RORA: variants seen among roughly 807,000 people sequenced by gnomAD.
RORA encodes RAR related orphan receptor A.
Under a neutral mutation model 69.5 loss-of-function variants are expected in RORA, and 7 were observed. The observed-to-expected ratio is 0.10, with a 90% CI of 0.06 to 0.19. The LOEUF (loss-of-function observed/expected upper bound fraction) is 0.19, where lower values mean the gene tolerates loss of function less well. Among genes scored for constraint, RORA ranks in the 10% least tolerant of loss-of-function variants. The probability of loss-of-function intolerance (pLI) is 1.00; values close to 1 mark genes in which losing one functional copy is unlikely to be tolerated. For synonymous variants in RORA, 261 were observed against 240.8 expected (o/e 1.08, Z -0.78); for missense variants, 457 against 663.0 (o/e 0.69, Z 3.41).
chr15:61,142,572 C>T (rs1394837529), intron 1 of RORA, among the ~76,000 whole-genome samples: 1 of 152,044 alleles, frequency 6.6e-6, no homozygotes, highest in African/African-American at 2.4e-5. Flanking sequence ...AAAGTCAGAT[C>T]ACTCTAATTT....
At chr15:60,758,105 T>C (rs2071828763) in intron 1 of RORA, among the ~76,000 whole-genome samples, 1 of 152,198 alleles carries the variant, frequency 6.6e-6, no homozygotes, top group South Asian at 2.1e-4. Context: ...CCCAAATCTA[T>C]GTTTGCAGCA....
intron 1 of RORA, among the ~76,000 whole-genome samples, chr15:60,894,771 C>A (rs1331963821): frequency 6.6e-6 from 1 of 152,138 alleles, no homozygotes; most frequent in Non-Finnish European, 1.5e-5. Context: ...GCTTTGGGAA[C>A]CTCTGGGCTG....
chr15:60,975,394 C>CCT (rs2140355325), intron 1 of RORA, among the ~76,000 whole-genome samples: 1 of 152,278 alleles, frequency 6.6e-6, no homozygotes, highest in East Asian at 1.9e-4. Context: ...CAGGCTGAGT[C>CCT]CTGTCACTGT....
intron 2 of RORA, chr15:60,592,882 G>T (rs1320881730): frequency 2.2e-6 from 1 of 458,880 alleles, no homozygotes; most frequent in Non-Finnish European, 4.3e-6. Context: ...CCCCCACTCG[G>T]TGGGGCAAGA....
chr15:60,505,737 G>A lies in RORA; in HGVS notation c.821-108C>T, dbSNP rs1203744214. 1.3e-5 allele frequency: 17 copies of A among 1,273,286 alleles called. No homozygotes were observed. In the East Asian group the frequency reaches 2.6e-4, roughly 20 times the overall value. The allele number at this position is 1,273,286 out of a possible 1,614,324, so 78.9% of individuals were successfully genotyped here. ...ACAAGTAGAAAACAATGTGCTGTGC[G>A]AGTTTTGACTGTCTTTACACATTTA... On this transcript the variant is annotated intron_variant, in intron 5 of 10. Transcript: ENST00000335670.
chr15:60,969,384 G>A (rs1450890457), intron 1 of RORA, among the ~76,000 whole-genome samples: 1 of 151,966 alleles, frequency 6.6e-6, no homozygotes, highest in African/African-American at 2.4e-5. Context: ...GACCAGTGTG[G>A]GCCCTTCAAT....
At chr15:61,211,597 G>A (rs2140937440) in intron 1 of RORA, among the ~76,000 whole-genome samples, 1 of 152,282 alleles carries the variant, frequency 6.6e-6, no homozygotes, top group African/African-American at 2.4e-5. Flanking sequence ...TAATTCATAT[G>A]ACACATTAGT....
chr15:60,840,231 T>C (rs952831746), intron 1 of RORA, among the ~76,000 whole-genome samples: 1 of 152,242 alleles, frequency 6.6e-6, no homozygotes, highest in Non-Finnish European at 1.5e-5. Context: ...TGGTCCACTT[T>C]TGACTCGGAG....
intron 1 of RORA, among the ~76,000 whole-genome samples, chr15:60,987,321 A>G (rs1385523096): frequency 6.6e-6 from 1 of 152,200 alleles, no homozygotes; most frequent in Non-Finnish European, 1.5e-5. Context: ...TATCCAAGAC[A>G]GACTCCAGAT....
intron 1 of RORA, among the ~76,000 whole-genome samples, chr15:61,186,672 A>G (rs2079745997): frequency 1.3e-5 from 2 of 151,488 alleles, no homozygotes; most frequent in South Asian, 4.2e-4. Flanking sequence ...AAAAAAGGGA[A>G]AAAGAAAAAG....
chr15:60,627,191 TA>T, intron 2 of RORA: 1 of 1,560,874 alleles, frequency 6.4e-7, no homozygotes, highest in African/African-American at 1.4e-5. Flanking sequence ...GGGGGGAGGG[TA>T]CACAGTGATC....
intron 2 of RORA, among the ~76,000 whole-genome samples, chr15:60,673,878 G>A (rs1468228345): frequency 6.6e-6 from 1 of 152,222 alleles, no homozygotes; most frequent in Non-Finnish European, 1.5e-5. Context: ...GCCAGCACCT[G>A]TATTTTAGTC....
intron 1 of RORA, among the ~76,000 whole-genome samples, chr15:60,707,334 T>TTTTATTTATTTATTTATTTA (rs35301219): frequency 2.2e-5 from 3 of 136,080 alleles, no homozygotes; most frequent in Non-Finnish European, 4.7e-5. Context: ...TATTTCTTTA[T>TTTTATTTATTTATTTATTTA]TTTATTTATT....
At chr15:60,655,579 A>G (rs1479942053) in intron 2 of RORA, among the ~76,000 whole-genome samples, 1 of 152,176 alleles carries the variant, frequency 6.6e-6, no homozygotes, top group Non-Finnish European at 1.5e-5. Context: ...GGCAGTCAGG[A>G]AGCAAATGCT....
intron 1 of RORA, among the ~76,000 whole-genome samples, chr15:61,109,819 G>A (rs906759544): frequency 3.3e-5 from 5 of 152,180 alleles, no homozygotes; most frequent in Admixed American, 6.5e-5. Flanking sequence ...GTAAATGGGT[G>A]TGATTATAGT....
intron 1 of RORA, among the ~76,000 whole-genome samples, chr15:61,099,621 C>A (rs1050070691): frequency 6.6e-6 from 1 of 152,208 alleles, no homozygotes; most frequent in Non-Finnish European, 1.5e-5. Context: ...GCAACGCATA[C>A]CTCCTACCGA....
At chr15:61,021,914 G>A (rs1225259289) in intron 1 of RORA, among the ~76,000 whole-genome samples, 3 of 152,114 alleles carry the variant, frequency 2.0e-5, no homozygotes, top group Non-Finnish European at 1.5e-5. Context: ...TTTTGAGGGC[G>A]GGCACTATAC....
chr15:60,490,276 C>G lies in RORA; in HGVS notation c.*7179G>C, dbSNP rs1294997659. 6.6e-6 allele frequency: 1 copy of G among 151,826 alleles called. No individual in the cohort carries two copies. Among genetic ancestry groups the G allele is most frequent in the Non-Finnish European group, 1.5e-5 (1 of 67,928 alleles). 9.4% of individuals were successfully genotyped at this position (151,826 alleles called of 1,614,324 possible). On this transcript the variant is annotated 3_prime_UTR_variant, in exon 11 of 11. Transcript: ENST00000335670. The surrounding 1 kb of genome is among the most constrained non-coding windows in gnomAD (Gnocchi z 4.1). The stretch of plus-strand genomic sequence containing the variant: ...TAATTTTTGTTGTTCACAAAAGTAA[C>G]TTGTCTAGCACCACACATCAGAAAA...
chr15:60,776,936 T>C (rs1384530117), intron 1 of RORA, among the ~76,000 whole-genome samples: 1 of 152,228 alleles, frequency 6.6e-6, no homozygotes, highest in Non-Finnish European at 1.5e-5. Context: ...TACTGCTAAT[T>C]GTCTGTCTTC....
Sources: allele counts gnomAD v4.1 joint callset (sites outside exome capture counted in the v4.1 genomes callset), GRCh38; gene constraint gnomAD v4.1.1; non-coding constraint Gnocchi (gnomAD v3.1); transcripts MANE v1.5; gene names NCBI Gene and HGNC (gene_info 2026-07-23, HGNC 2026-07-21).